GSK3B: variants seen among roughly 807,000 people sequenced by gnomAD.
GSK3B encodes the protein glycogen synthase kinase 3 beta, also known as glycogen synthase kinase-3 beta.
GSK3B carries 15 observed loss-of-function variants against 56.4 expected under a neutral mutation model. The observed-to-expected ratio is 0.27, with a 90% CI of 0.18 to 0.41. GSK3B has a LOEUF of 0.41. GSK3B is among the 10% of genes least tolerant of loss of function. GSK3B has a pLI of 1.00. For synonymous variants in GSK3B, 181 were observed against 188.9 expected, an observed-to-expected ratio of 0.96 and a Z score of 0.34; for missense variants, 300 against 513.4, an observed-to-expected ratio of 0.58 and a Z score of 4.02.
At chr3:119,915,179 C>A (rs1026867211) in intron 5 of GSK3B, among the ~76,000 whole-genome samples, 2 of 151,864 alleles carry the variant, frequency 1.3e-5, no homozygotes, top group Non-Finnish European at 2.9e-5. Flanking sequence ...AAGAAATGAG[C>A]TTTTAAAAGC....
intron 1 of GSK3B, among the ~76,000 whole-genome samples, chr3:120,090,264 C>T (rs190015699): frequency 1.2e-4 from 18 of 151,530 alleles, no homozygotes; most frequent in Middle Eastern, 3.4e-3. Context: ...TGATGAGAAG[C>T]ATTTAAATAA....
intron 1 of GSK3B, among the ~76,000 whole-genome samples, chr3:120,061,510 C>A (rs767373454): frequency 7.9e-5 from 12 of 152,202 alleles, no homozygotes; most frequent in South Asian, 2.1e-4. Flanking sequence ...GTGAATACCA[C>A]AGGAGTGTTA....
Position 120,079,343 on chromosome 3 carries a change from C to T in GSK3B, c.88+14004G>A, listed in dbSNP as rs1213634735. Among the ~76,000 whole-genome samples the T allele has an allele frequency of 3.2e-5, 4 of 125,714 alleles. No individual in the cohort carries two copies. In the South Asian group the frequency reaches 9.6e-4, roughly 30 times the overall value. The allele number at this position is 125,714 out of a possible 152,430, so 82.5% of individuals were successfully genotyped here. A position where few individuals can be genotyped will look rare whatever the true frequency, so the allele number is the denominator to read the frequency against. On this transcript the variant is annotated intron_variant, in intron 1 of 10. Coordinates refer to ENST00000264235, the MANE Select transcript of GSK3B (RefSeq NM_001146156.2). ...ACACACACACACACACACACACACACACACACATTTTTTTTTTTAATAAGT... is the reference window on the plus strand; with the variant it reads ...ACACACACACACACACACACACACATACACACATTTTTTTTTTTAATAAGT...
intron 1 of GSK3B, among the ~76,000 whole-genome samples, chr3:120,011,805 T>C (rs183304252): frequency 5.3e-5 from 8 of 152,322 alleles, no homozygotes; most frequent in South Asian, 2.1e-4. Context: ...CTGTATAAAA[T>C]TGTACTGTTT....
At chr3:119,965,335 A>T (rs2057309632) in intron 2 of GSK3B, among the ~76,000 whole-genome samples, 1 of 150,956 alleles carries the variant, frequency 6.6e-6, no homozygotes, top group South Asian at 2.1e-4. Context: ...AAGTGCTGAG[A>T]CTACAGGTGT....
chr3:120,063,855 T>C (rs934918036), intron 1 of GSK3B, among the ~76,000 whole-genome samples: 7 of 150,532 alleles, frequency 4.7e-5, no homozygotes, highest in Admixed American at 1.3e-4. Context: ...GGCATGGTGG[T>C]GCACATCTGT....
rs1221063529 is a variant in GSK3B, at chr3:119,826,244, A to ACCAAC, written c.*543_*544insGTTGG. On this transcript the variant is annotated 3_prime_UTR_variant, in exon 11 of 11. Coordinates refer to ENST00000264235, the MANE Select transcript of GSK3B (RefSeq NM_001146156.2). ...CTGCCACACCTGCCACCAACATGCCAAAGGCAAGTCTATAAATACCCGAAG... is the reference window on the plus strand; with the variant it reads ...CTGCCACACCTGCCACCAACATGCCACCAACAAGGCAAGTCTATAAATACCCGAAG... 1 of 274,808 alleles carries ACCAAC rather than the reference A, an allele frequency of 3.6e-6. No homozygotes were observed. Among genetic ancestry groups the ACCAAC allele is most frequent in the East Asian group, 5.8e-5 (1 of 17,170 alleles). 17.0% of individuals were successfully genotyped at this position (274,808 alleles called of 1,614,324 possible).
intron 7 of GSK3B, among the ~76,000 whole-genome samples, chr3:119,896,321 A>T (rs1024139036): frequency 6.6e-6 from 1 of 152,120 alleles, no homozygotes; most frequent in Non-Finnish European, 1.5e-5. Flanking sequence ...TATTCATAGG[A>T]GTCAAAAGAC....
chr3:119,932,575 G>T (rs1283970737), intron 3 of GSK3B, among the ~76,000 whole-genome samples: 2 of 145,856 alleles, frequency 1.4e-5, no homozygotes, highest in African/African-American at 5.1e-5. Context: ...AATCTTGGAA[G>T]ACAAAAGAGC....
At chr3:120,002,992 C>A (rs2057693360) in intron 1 of GSK3B, among the ~76,000 whole-genome samples, 3 of 152,224 alleles carry the variant, frequency 2.0e-5, no homozygotes, top group Non-Finnish European at 4.4e-5. Flanking sequence ...TCAGATCCTT[C>A]TGCATTTAGG....
intron 1 of GSK3B, among the ~76,000 whole-genome samples, chr3:120,005,579 G>A (rs937541532): frequency 7.2e-5 from 11 of 152,128 alleles, no homozygotes; most frequent in Admixed American, 3.9e-4. Context: ...CAGATCTCTC[G>A]GCAGAAACTC....
chr3:120,028,192 G>A (rs907648867), intron 1 of GSK3B, among the ~76,000 whole-genome samples: 5 of 152,140 alleles, frequency 3.3e-5, no homozygotes, highest in Non-Finnish European at 5.9e-5. Flanking sequence ...AAAAGATTTC[G>A]TAAAAGGCTG....
At chr3:119,890,480 T>C (rs1035900119) in intron 7 of GSK3B, among the ~76,000 whole-genome samples, 1 of 152,214 alleles carries the variant, frequency 6.6e-6, no homozygotes, top group African/African-American at 2.4e-5. Context: ...GATGGGAAAC[T>C]GACCACAAAG....
At chr3:120,024,855 A>G (rs1167224661) in intron 1 of GSK3B, among the ~76,000 whole-genome samples, 1 of 152,198 alleles carries the variant, frequency 6.6e-6, no homozygotes, top group African/African-American at 2.4e-5. Flanking sequence ...TTAATGGCAG[A>G]AGGCATGTAA....
intron 7 of GSK3B, among the ~76,000 whole-genome samples, chr3:119,878,713 GCAT>G (rs1401044631): frequency 2.6e-5 from 4 of 151,830 alleles, no homozygotes; most frequent in East Asian, 3.9e-4. Context: ...AACCAAAATG[GCAT>G]CATCAAGTAA....
intron 9 of GSK3B, among the ~76,000 whole-genome samples, chr3:119,850,516 C>A (rs1427481692): frequency 6.6e-6 from 1 of 152,160 alleles, no homozygotes; most frequent in Non-Finnish European, 1.5e-5. Flanking sequence ...CACTGTAAGT[C>A]CACACTTTTT....
At position 119,825,575 on chromosome 3, in the gene GSK3B, T is replaced by C; in HGVS notation, c.*1213A>G. The C allele has an allele frequency of 8.8e-6, 2 of 228,386 alleles. No individual in the cohort carries two copies. Among genetic ancestry groups the C allele is most frequent in the Middle Eastern group, 2.6e-3 (2 of 764 alleles). The allele number at this position is 228,386 out of a possible 1,614,324, so 14.1% of individuals were successfully genotyped here. ...AAGTCAGCAGGTATAAGTGACTGTA[T>C]CATTCTGATGTGTAGTTTTTAATAT... is the stretch of plus-strand genomic sequence containing the variant. On this transcript the variant is annotated 3_prime_UTR_variant, in exon 11 of 11. Coordinates refer to ENST00000264235, the MANE Select transcript of GSK3B (RefSeq NM_001146156.2).
intron 7 of GSK3B, among the ~76,000 whole-genome samples, chr3:119,881,492 G>A (rs576863360): frequency 2.0e-4 from 30 of 151,960 alleles, no homozygotes; most frequent in South Asian, 4.2e-4. Context: ...GATATATTTC[G>A]AAATAACCAA....
intron 4 of GSK3B, among the ~76,000 whole-genome samples, chr3:119,919,933 T>C (rs1020141734): frequency 2.2e-4 from 34 of 152,228 alleles, no homozygotes; most frequent in Admixed American, 2.1e-3. Flanking sequence ...GTGTACCTTA[T>C]GTAACCATTT....
Sources: allele counts gnomAD v4.1 joint callset (sites outside exome capture counted in the v4.1 genomes callset), GRCh38; gene constraint gnomAD v4.1.1; transcripts MANE v1.5; gene names NCBI Gene and HGNC (gene_info 2026-07-23, HGNC 2026-07-21).